Variants in UBE3D observed in about 807,000 individuals in gnomAD.
UBE3D encodes E3 ubiquitin-protein ligase E3D.
Under a neutral mutation model 49.6 loss-of-function variants are expected in UBE3D, and 48 were observed. That is an observed-to-expected ratio of 0.97 (90% CI 0.77 to 1.23). The LOEUF (loss-of-function observed/expected upper bound fraction) is 1.23, where lower values mean the gene tolerates loss of function less well. Ranked by LOEUF, UBE3D falls within the 50% of genes most tolerant of loss-of-function variation. The pLI, the probability that UBE3D is intolerant of heterozygous loss-of-function variation, is 0.00. For missense variants in UBE3D, 452 were observed against 468.4 expected (o/e 0.96, Z 0.32); for synonymous variants, 189 against 174.2 (o/e 1.08, Z -0.67).
intron 9 of UBE3D, among the ~76,000 whole-genome samples, chr6:82,923,387 G>C (rs768947125): frequency 9.2e-5 from 14 of 152,308 alleles, no homozygotes; most frequent in Middle Eastern, 3.4e-3. Flanking sequence ...CCATAAAAAA[G>C]GATGAGTTCA....
intron 8 of UBE3D, among the ~76,000 whole-genome samples, chr6:82,993,820 G>A (rs1357186966): frequency 1.3e-5 from 2 of 152,164 alleles, no homozygotes; most frequent in Non-Finnish European, 2.9e-5. Context: ...GGATATTCTT[G>A]TAGAATTTAT....
At chr6:82,949,499 A>G (rs1775636921) in intron 9 of UBE3D, among the ~76,000 whole-genome samples, 2 of 152,106 alleles carry the variant, frequency 1.3e-5, no homozygotes, top group South Asian at 4.1e-4. Context: ...TTCTTCAGAA[A>G]TAGAAAAAAA....
At chr6:83,043,966 C>T (rs1431945562) in intron 4 of UBE3D, among the ~76,000 whole-genome samples, 1 of 152,182 alleles carries the variant, frequency 6.6e-6, no homozygotes, top group East Asian at 1.9e-4. Flanking sequence ...CTCCTCCATT[C>T]CTCTTTTTAC....
chr6:82,889,760 G>A (rs1024956268), downstream of UBE3D, among the ~76,000 whole-genome samples: 8 of 151,852 alleles, frequency 5.3e-5, no homozygotes, highest in South Asian at 2.1e-4. Context: ...AGCTCGATGC[G>A]GGCAAGGACT....
At chr6:83,030,503 G>A (rs908427969) in intron 5 of UBE3D, among the ~76,000 whole-genome samples, 1 of 152,220 alleles carries the variant, frequency 6.6e-6, no homozygotes, top group South Asian at 2.1e-4. Context: ...CCTCAGCCAT[G>A]TGGAACTGTG....
intron 9 of UBE3D, among the ~76,000 whole-genome samples, chr6:82,904,775 C>CT (rs1416596707): frequency 6.6e-6 from 1 of 152,212 alleles, no homozygotes; most frequent in East Asian, 1.9e-4. Context: ...TTAAATAAGG[C>CT]TTTTTTTCCT....
chr6:82,942,071 T>C lies in UBE3D; in HGVS notation c.1149+15241A>G, dbSNP rs564469246. 9.1e-4 allele frequency among the ~76,000 whole-genome samples: 138 copies of C among 152,258 alleles called. 1 individual carries two copies. The highest frequency in any genetic ancestry group is 3.2e-3 in the African/African-American group (133 of 41,556). On this transcript the variant is annotated intron_variant, in intron 9 of 9. Coordinates refer to ENST00000369747, the MANE Select transcript of UBE3D (RefSeq NM_198920.3). Reference sequence around the variant, plus strand: ...GGGCTCAGAGGAAGACAGGAAGATGTGAGAAAGTTTGGAACTTCCTAGAGA... The same window carrying C: ...GGGCTCAGAGGAAGACAGGAAGATGCGAGAAAGTTTGGAACTTCCTAGAGA...
At chr6:82,919,447 C>CA (rs1381860295) in intron 9 of UBE3D, among the ~76,000 whole-genome samples, 6 of 151,206 alleles carry the variant, frequency 4.0e-5, no homozygotes, top group Non-Finnish European at 8.8e-5. Flanking sequence ...ACTAAAAATA[C>CA]AAAAAAATTA....
the UBE3D span, among the ~76,000 whole-genome samples, chr6:82,885,466 T>C: frequency 6.6e-6 from 1 of 152,208 alleles, no homozygotes; most frequent in Non-Finnish European, 1.5e-5. Flanking sequence ...CTAGACATTA[T>C]GCATGCATTA....
chr6:82,887,711 C>A (rs114422107), downstream of UBE3D, among the ~76,000 whole-genome samples: 216 of 147,570 alleles, frequency 1.5e-3, no homozygotes, highest in African/African-American at 4.4e-3. Context: ...TCCATCCCCC[C>A]AAAAAAAAAG....
intron 8 of UBE3D, among the ~76,000 whole-genome samples, chr6:83,013,762 G>A (rs965827341): frequency 3.9e-5 from 6 of 152,044 alleles, no homozygotes; most frequent in African/African-American, 7.3e-5. Flanking sequence ...AATTTTAATC[G>A]GATTTATTTC....
At chr6:83,064,572 C>T (rs925621453) in intron 1 of UBE3D, among the ~76,000 whole-genome samples, 1 of 151,982 alleles carries the variant, frequency 6.6e-6, no homozygotes, top group Non-Finnish European at 1.5e-5. Context: ...AAGGCCCCTG[C>T]ATGAGAGGAA....
chr6:82,969,678 C>A (rs1777208647), intron 8 of UBE3D, among the ~76,000 whole-genome samples: 1 of 151,894 alleles, frequency 6.6e-6, no homozygotes, highest in South Asian at 2.1e-4. Context: ...GACTACATAA[C>A]CTTACTCAAG....
intron 4 of UBE3D, among the ~76,000 whole-genome samples, chr6:83,043,254 C>T (rs1208760016): frequency 6.6e-6 from 1 of 152,110 alleles, no homozygotes; most frequent in Non-Finnish European, 1.5e-5. Context: ...TTTCTGCTCA[C>T]AACTTCCAAA....
rs1339634804 is a variant in UBE3D at position 82,903,703 on chromosome 6, T to A, written c.1150-10661A>T. On this transcript the variant is annotated intron_variant, in intron 9 of 9. Transcript: ENST00000369747. The stretch of plus-strand genomic sequence containing the variant: ...AAAGAAAAACATGCTAATATAGCCA[T>A]TTAAGAATAAATACCATTTATTTCT... Among the ~76,000 whole-genome samples, 3 of 152,278 alleles carry A rather than the reference T, an allele frequency of 2.0e-5. No homozygotes were observed. The East Asian group carries it at 5.8e-4, about 29-fold the overall frequency.
At chr6:83,001,317 A>G (rs1410723966) in intron 8 of UBE3D, among the ~76,000 whole-genome samples, 1 of 152,220 alleles carries the variant, frequency 6.6e-6, no homozygotes, top group Non-Finnish European at 1.5e-5. Flanking sequence ...TTTTAGCTCA[A>G]TATTAAATTC....
intron 9 of UBE3D, among the ~76,000 whole-genome samples, chr6:82,895,672 C>A (rs1049779551): frequency 6.6e-6 from 1 of 152,142 alleles, no homozygotes; most frequent in Non-Finnish European, 1.5e-5. Context: ...GCATTTGAAT[C>A]TTTGTTTTAC....
intron 5 of UBE3D, among the ~76,000 whole-genome samples, chr6:83,035,180 CAAAA>C (rs70987732): frequency 1.5e-5 from 2 of 137,802 alleles, no homozygotes; most frequent in African/African-American, 5.4e-5. Flanking sequence ...GACTATGTCT[CAAAA>C]AAAAAAAAAA....
At chr6:82,970,539 G>A (rs1270083638) in intron 8 of UBE3D, among the ~76,000 whole-genome samples, 3 of 152,140 alleles carry the variant, frequency 2.0e-5, no homozygotes, top group African/African-American at 7.2e-5. Flanking sequence ...TGACAATATA[G>A]TTAAAACTAG....
Sources: gnomAD v4.1 joint callset for allele counts (sites outside exome capture counted in the v4.1 genomes callset) on GRCh38, gnomAD v4.1.1 for gene constraint, MANE v1.5 for transcripts, NCBI Gene and HGNC (gene_info 2026-07-23, HGNC 2026-07-21) for gene names.